Variants in PLEKHM3 observed in about 807,000 individuals in gnomAD.
The protein encoded by PLEKHM3 is pleckstrin homology domain containing M3, also known as pleckstrin homology domain-containing family M member 3.
A neutral mutation model predicts 81.8 loss-of-function variants in PLEKHM3; 45 were observed. The observed-to-expected ratio is 0.55, with a 90% CI of 0.43 to 0.71. The LOEUF is 0.71. PLEKHM3 is among the 30% of genes least tolerant of loss of function. PLEKHM3 has a pLI of 0.00. For missense variants in PLEKHM3, 788 were observed against 924.3 expected (o/e 0.85, Z 1.91); for synonymous variants, 352 against 356.4 (o/e 0.99, Z 0.14).
At position 208,001,530 on chromosome 2, in the gene PLEKHM3, T is replaced by C. The variant is rs1459423752; in HGVS notation, c.110A>G (p.Tyr37Cys). The change falls in exon 2 of 8, where the codon TAT becomes TGT. Residue 37 changes from tyrosine (Y) to cysteine (C), a missense_variant. Transcript: ENST00000427836. ...LEKAVQQAEV[Y>C]GIQEVPELVG... is the part of the protein sequence containing the mutation. ...CAGTTCAGGGACTTCCTGGATCCCATAAACCTCTGCCTGCTGCACAGCCTT... is the reference window on the plus strand; with the variant it reads ...CAGTTCAGGGACTTCCTGGATCCCACAAACCTCTGCCTGCTGCACAGCCTT... 3 of 1,614,212 alleles carry C rather than the reference T, an allele frequency of 1.9e-6. No homozygotes were observed. Among genetic ancestry groups the C allele is most frequent in the Middle Eastern group, 1.6e-4 (1 of 6,062 alleles).
rs2092368664 is a variant in PLEKHM3 at position 207,843,965 on chromosome 2, C to A, written c.2109-15469G>T. On this transcript the variant is annotated intron_variant, in intron 7 of 7. Transcript: ENST00000427836. The surrounding 1 kb of genome is among the most constrained non-coding windows in gnomAD (Gnocchi z 4.4). ...AAGCATGGTGGCGTGCATCTGTAGT[C>A]CCAGTTACCTGGGAGGCTGAGGCTG... 1.3e-5 allele frequency among the ~76,000 whole-genome samples: 2 copies of A among 151,914 alleles called. No individual in the cohort carries two copies. Among genetic ancestry groups the A allele is most frequent in the Non-Finnish European group, 2.9e-5 (2 of 67,976 alleles).
At chr2:208,021,265 A>G (rs1275775419) in intron 1 of PLEKHM3, among the ~76,000 whole-genome samples, 2 of 152,174 alleles carry the variant, frequency 1.3e-5, no homozygotes, top group Non-Finnish European at 2.9e-5. Flanking sequence ...CCACTAGTAT[A>G]ATTAACCTGG....
intron 5 of PLEKHM3, among the ~76,000 whole-genome samples, chr2:207,918,754 T>C (rs1049597803): frequency 6.6e-6 from 1 of 152,198 alleles, no homozygotes; most frequent in Non-Finnish European, 1.5e-5. Flanking sequence ...AATTAATTTA[T>C]TCAACAAGTA....
chr2:207,959,349 A>G (rs1323778272), intron 3 of PLEKHM3, among the ~76,000 whole-genome samples: 1 of 152,170 alleles, frequency 6.6e-6, no homozygotes, highest in African/African-American at 2.4e-5. Flanking sequence ...TCTCTCTTTT[A>G]TGATTGCTTC....
At chr2:207,849,275 A>C (rs972791318) in intron 7 of PLEKHM3, among the ~76,000 whole-genome samples, 7 of 152,104 alleles carry the variant, frequency 4.6e-5, no homozygotes, top group African/African-American at 1.7e-4. Flanking sequence ...TGGAGGTTGC[A>C]GTGAGCCGAG....
intron 6 of PLEKHM3, among the ~76,000 whole-genome samples, chr2:207,871,757 T>G (rs114955475): frequency 2.6e-5 from 4 of 152,168 alleles, no homozygotes; most frequent in Non-Finnish European, 5.9e-5. Flanking sequence ...GTGGTCCAAA[T>G]ATTCTGAGCT....
intron 5 of PLEKHM3, among the ~76,000 whole-genome samples, chr2:207,914,163 G>A (rs1688905687): frequency 6.6e-6 from 1 of 151,890 alleles, no homozygotes; most frequent in African/African-American, 2.4e-5. Context: ...GACCAGACTG[G>A]GCAACATAGC....
At position 207,828,383 on chromosome 2, in the gene PLEKHM3, A is replaced by G; in HGVS notation, c.2222T>C (p.Leu741Pro). ...CTCCTCTAGACTCTCGTCCATGTTC[A>G]GTCTCTGCCAGAAAGACTTCTGCTT... ...QKKQKSFWQR[L>P]NMDESLEEAC... Residue 741 changes from leucine (L) to proline (P), a missense_variant, in exon 8 of 8, where the codon CTG becomes CCG. Physicochemically the swap from Leu to Pro is moderately conservative, Grantham distance 98 (BLOSUM62 -3). Transcript: ENST00000427836. The G allele has an allele frequency of 6.2e-7, 1 of 1,614,060 alleles. No homozygotes were observed. Among genetic ancestry groups the G allele is most frequent in the Non-Finnish European group, 8.5e-7 (1 of 1,180,010 alleles).
At chr2:207,984,449 C>T (rs917458317) in intron 2 of PLEKHM3, among the ~76,000 whole-genome samples, 2 of 151,566 alleles carry the variant, frequency 1.3e-5, no homozygotes, top group Non-Finnish European at 2.9e-5. Flanking sequence ...TGAGTGATCT[C>T]GGCTCACTGC....
At chr2:207,998,053 C>T (rs774342963) in intron 2 of PLEKHM3, among the ~76,000 whole-genome samples, 1 of 152,182 alleles carries the variant, frequency 6.6e-6, no homozygotes, top group Non-Finnish European at 1.5e-5. Context: ...TCTAGAACTC[C>T]AGCCTGAGAA....
chr2:208,018,472 C>T (rs1398304486), intron 1 of PLEKHM3, among the ~76,000 whole-genome samples: 1 of 151,878 alleles, frequency 6.6e-6, no homozygotes, highest in Admixed American at 6.6e-5. Flanking sequence ...TGCCTCAAAC[C>T]TGCCCCTCCT....
In PLEKHM3 at chr2:208,003,246, A is replaced by G. The variant is rs1359971661; in HGVS notation, c.-318-1289T>C. Among the ~76,000 whole-genome samples the G allele has an allele frequency of 2.0e-5, 3 of 152,214 alleles. No homozygotes were observed. In the East Asian group the frequency reaches 5.8e-4, roughly 29 times the overall value. ...TTCACCTTCCACCATGATTCCAGCCATGTGGAATTGTAAGTCCAATAAAAC... is the reference window on the plus strand; with the variant it reads ...TTCACCTTCCACCATGATTCCAGCCGTGTGGAATTGTAAGTCCAATAAAAC... On this transcript the variant is annotated intron_variant, in intron 1 of 7. Coordinates refer to ENST00000427836, the MANE Select transcript of PLEKHM3 (RefSeq NM_001080475.3).
chr2:207,869,247 C>A (rs1219348198), intron 6 of PLEKHM3, among the ~76,000 whole-genome samples: 1 of 152,132 alleles, frequency 6.6e-6, no homozygotes, highest in East Asian at 1.9e-4. Context: ...GATAGTGAAA[C>A]AGACCTGAGA....
chr2:207,923,903 ATATTTT>A (rs1290780372), intron 5 of PLEKHM3, among the ~76,000 whole-genome samples: 14 of 59,822 alleles, frequency 2.3e-4, no homozygotes, highest in African/African-American at 8.6e-4. Context: ...ATATATATAT[ATATTTT>A]TTTTTTTTTT....
chr2:207,856,673 G>T (rs1391428312), intron 7 of PLEKHM3, among the ~76,000 whole-genome samples: 2 of 152,080 alleles, frequency 1.3e-5, no homozygotes, highest in Non-Finnish European at 2.9e-5. Context: ...ATAATATTCC[G>T]TTGTATGGAT....
intron 1 of PLEKHM3, among the ~76,000 whole-genome samples, chr2:208,004,783 C>T (rs975080241): frequency 5.9e-5 from 9 of 152,156 alleles, no homozygotes; most frequent in Non-Finnish European, 2.9e-5. Context: ...CTCCCTTACT[C>T]TGCTTCTGTT....
At chr2:207,993,867 T>C (rs2106074793) in intron 2 of PLEKHM3, among the ~76,000 whole-genome samples, 1 of 152,318 alleles carries the variant, frequency 6.6e-6, no homozygotes, top group African/African-American at 2.4e-5. Flanking sequence ...ATTGCAACAG[T>C]GGTTCACCCA....
At chr2:207,883,556 T>C (rs1204450487) in intron 6 of PLEKHM3, among the ~76,000 whole-genome samples, 4 of 152,224 alleles carry the variant, frequency 2.6e-5, no homozygotes, top group Admixed American at 6.5e-5. Flanking sequence ...TTTCTTTATA[T>C]AGTGAGCATT....
chr2:207,971,341 G>A (rs1691113009), intron 3 of PLEKHM3, among the ~76,000 whole-genome samples: 2 of 152,152 alleles, frequency 1.3e-5, no homozygotes, highest in Non-Finnish European at 1.5e-5. Flanking sequence ...GGAGGAATAA[G>A]TTCTAGTGTT....
Sources: gnomAD v4.1 joint callset for allele counts (sites outside exome capture counted in the v4.1 genomes callset) on GRCh38, gnomAD v4.1.1 for gene constraint, Gnocchi (gnomAD v3.1) non-coding constraint, MANE v1.5 for transcripts, NCBI Gene and HGNC (gene_info 2026-07-23, HGNC 2026-07-21) for gene names.